The following SORBS2 variants were observed in gnomAD, a reference collection of about 807,000 sequenced individuals.
SORBS2 encodes the protein sorbin and SH3 domain-containing protein 2.
In SORBS2, 46 loss-of-function variants were observed where a neutral mutation model predicts 97.7. That is an observed-to-expected ratio of 0.47 (90% CI 0.37 to 0.60). The LOEUF is 0.60. Ranked by LOEUF, SORBS2 falls within the 20% of genes least tolerant of loss-of-function variation. SORBS2 has a pLI of 0.00. For synonymous variants in SORBS2, 476 were observed against 473.4 expected (o/e 1.01, Z -0.07); for missense variants, 1,316 against 1,282.3 (o/e 1.03, Z -0.40).
chr4:185,607,460 T>C lies in SORBS2; in HGVS notation c.2796+4320A>G. The C allele has an allele frequency of 4.4e-6, 2 of 450,512 alleles. No individual in the cohort carries two copies. Among genetic ancestry groups the C allele is most frequent in the Non-Finnish European group, 7.5e-6 (2 of 266,242 alleles). The allele number at this position is 450,512 out of a possible 1,614,324, so 27.9% of individuals were successfully genotyped here. On this transcript the variant is annotated intron_variant, in intron 12 of 14. Transcript: ENST00000418609. The surrounding 1 kb of genome is among the most constrained non-coding windows in gnomAD (Gnocchi z 5.2). ...TGCAGAAAAGATGCGGTGGTGAATA[T>C]GAAAATAATTTTATGTTTAACATAG...
At chr4:185,797,879 T>G (rs1480659723) in intron 1 of SORBS2, among the ~76,000 whole-genome samples, 1 of 152,200 alleles carries the variant, frequency 6.6e-6, no homozygotes, top group Non-Finnish European at 1.5e-5. Context: ...GCTTTCTCCA[T>G]CTAATGCCCC....
chr4:185,935,045 T>C (rs2099268309), intron 1 of SORBS2, among the ~76,000 whole-genome samples: 1 of 152,200 alleles, frequency 6.6e-6, no homozygotes, highest in South Asian at 2.1e-4. Context: ...CTGTTCCAAG[T>C]CAAATCATTA....
intron 2 of SORBS2, among the ~76,000 whole-genome samples, chr4:185,689,705 C>T (rs2098053722): frequency 6.6e-6 from 1 of 152,162 alleles, no homozygotes; most frequent in African/African-American, 2.4e-5. Flanking sequence ...GGTAATCCTC[C>T]TTGTAGCACT....
chr4:185,714,783 T>C (rs551983452), intron 2 of SORBS2, among the ~76,000 whole-genome samples: 9 of 152,258 alleles, frequency 5.9e-5, no homozygotes, highest in Admixed American at 2.0e-4. Context: ...GAGAACAGCT[T>C]GAGGGAAACC....
intron 1 of SORBS2, among the ~76,000 whole-genome samples, chr4:185,818,691 T>C (rs2099194803): frequency 1.3e-5 from 2 of 151,238 alleles, no homozygotes; most frequent in African/African-American, 4.9e-5. Context: ...CTGGGCCTGG[T>C]GGTGGGCGCC....
upstream of SORBS2, among the ~76,000 whole-genome samples, chr4:185,658,637 A>C (rs1019382892): frequency 2.6e-5 from 4 of 151,490 alleles, no homozygotes; most frequent in Admixed American, 2.6e-4. Flanking sequence ...TGTGTATATG[A>C]TATATATCAT....
intron 1 of SORBS2, among the ~76,000 whole-genome samples, chr4:185,887,581 A>G (rs1287442690): frequency 6.6e-6 from 1 of 152,144 alleles, no homozygotes. Context: ...ATTTTTTTGC[A>G]AGTGATTTGA....
chr4:185,650,217 T>C (rs949597626), intron 2 of SORBS2, among the ~76,000 whole-genome samples: 1 of 152,146 alleles, frequency 6.6e-6, no homozygotes, highest in Non-Finnish European at 1.5e-5. Context: ...AATAGAATTA[T>C]GATGGAAAAT....
chr4:185,615,110 C>T (rs1156669173), exon 10 of SORBS2: 7 of 1,613,924 alleles, frequency 4.3e-6, no homozygotes, highest in Non-Finnish European at 5.9e-6. Context: ...CAATTTTGAT[C>T]AATTTTCCTG....
At chr4:185,936,854 T>G (rs1434444436) in intron 1 of SORBS2, among the ~76,000 whole-genome samples, 5 of 152,220 alleles carry the variant, frequency 3.3e-5, no homozygotes, top group Non-Finnish European at 7.3e-5. Flanking sequence ...CAGCACAGCA[T>G]GCACGGCACG....
At chr4:185,612,536 CTGGAG>C (rs1425367049) in intron 11 of SORBS2, among the ~76,000 whole-genome samples, 2 of 149,014 alleles carry the variant, frequency 1.3e-5, no homozygotes, top group Non-Finnish European at 3.0e-5. Context: ...GTCACCCGGG[CTGGAG>C]TGCAGTGGTG....
At chr4:185,905,645 C>T (rs1484168457) in intron 1 of SORBS2, among the ~76,000 whole-genome samples, 5 of 152,188 alleles carry the variant, frequency 3.3e-5, no homozygotes, top group African/African-American at 1.2e-4. Flanking sequence ...ATATGTTTTT[C>T]TACAGGTGCG....
At chr4:185,868,147 C>CTTTCTTTATTT (rs1288748201) in intron 1 of SORBS2, among the ~76,000 whole-genome samples, 1 of 89,802 alleles carries the variant, frequency 1.1e-5, no homozygotes, top group African/African-American at 4.8e-5. Flanking sequence ...CTTTTCTTTT[C>CTTTCTTTATTT]TTTTTTTCTT....
At chr4:185,796,379 G>C (rs556735828) in intron 1 of SORBS2, among the ~76,000 whole-genome samples, 1 of 152,256 alleles carries the variant, frequency 6.6e-6, no homozygotes, top group Admixed American at 6.5e-5. Flanking sequence ...TCTCCATATC[G>C]GGCATCCTGC....
intron 2 of SORBS2, among the ~76,000 whole-genome samples, chr4:185,770,695 T>TA (rs74963013): frequency 7.4e-4 from 111 of 150,098 alleles, no homozygotes; most frequent in Non-Finnish European, 8.3e-4. Flanking sequence ...AACACTGATT[T>TA]AAAAAAAAAA....
chr4:185,731,832 TTCTCTC>T (rs1201714307), intron 2 of SORBS2, among the ~76,000 whole-genome samples: 366 of 33,180 alleles, frequency 0.011, 16 homozygotes, highest in African/African-American at 0.021. Flanking sequence ...GTCTCTCTCT[TTCTCTC>T]TCTCTCTCTC....
chr4:185,924,615 G>A (rs1224987335), intron 1 of SORBS2, among the ~76,000 whole-genome samples: 1 of 151,956 alleles, frequency 6.6e-6, no homozygotes, highest in Admixed American at 6.6e-5. Context: ...ATGGCGCCCT[G>A]CATTTGCATA....
chr4:185,626,675 T>G, intron 6 of SORBS2, 157 bp downstream of exon 18: 1 of 722,518 alleles, frequency 1.4e-6, no homozygotes, highest in South Asian at 1.8e-5. Flanking sequence ...TGAGTCAGTC[T>G]GGGTGGGAAG....
At chr4:185,597,101 A>G (rs1264403721) in intron 12 of SORBS2, among the ~76,000 whole-genome samples, 1 of 152,222 alleles carries the variant, frequency 6.6e-6, no homozygotes, top group Non-Finnish European at 1.5e-5. Context: ...CTGACTAATT[A>G]CAGTACTTGA....
Sources: gnomAD v4.1 joint callset for allele counts (sites outside exome capture counted in the v4.1 genomes callset) on GRCh38, gnomAD v4.1.1 for gene constraint, Gnocchi (gnomAD v3.1) non-coding constraint, MANE v1.5 for transcripts, NCBI Gene and HGNC (gene_info 2026-07-23, HGNC 2026-07-21) for gene names.